KAZN: variants seen among roughly 807,000 people sequenced by gnomAD.
The protein encoded by KAZN is kazrin, periplakin interacting protein.
In KAZN, 40 loss-of-function variants were observed where a neutral mutation model predicts 87.4. The ratio of observed to expected loss-of-function variants is 0.46; its 90% confidence interval spans 0.36 to 0.60. The LOEUF is 0.60. KAZN is among the 20% of genes least tolerant of loss of function. KAZN has a pLI of 0.00. For synonymous variants in KAZN, 466 were observed against 458.3 expected (o/e 1.02, Z -0.22); for missense variants, 898 against 1,073.9 (o/e 0.84, Z 2.29).
Position 14,881,992 on chromosome 1 carries a change from G to A in KAZN, c.227-78692G>A, listed in dbSNP as rs936341739. ...CCACTCTAAGCTGCCTCTGAAGCTG[G>A]TACTCTGTAAATACCTGTTGAGTCC... On this transcript the variant is annotated intron_variant, in intron 1 of 14. Coordinates refer to ENST00000376030, the MANE Select transcript of KAZN (RefSeq NM_201628.3). Among the ~76,000 whole-genome samples, 4 of 152,074 alleles carry A rather than the reference G, an allele frequency of 2.6e-5. No individual in the cohort carries two copies. In the South Asian group the frequency reaches 8.3e-4, roughly 32 times the overall value.
chr1:14,028,147 C>T (rs1641161857), intron 1 of KAZN, among the ~76,000 whole-genome samples: 2 of 152,178 alleles, frequency 1.3e-5, no homozygotes, highest in East Asian at 3.9e-4. Context: ...CACTTAGTAG[C>T]CTCTTTCTTC....
intron 8 of KAZN, among the ~76,000 whole-genome samples, chr1:15,092,074 T>TTTTA: frequency 1.0e-5 from 1 of 97,650 alleles, no homozygotes; most frequent in East Asian, 2.9e-4. Context: ...TTTTTTTTGA[T>TTTTA]TTTTTTTTTT....
intron 1 of KAZN, among the ~76,000 whole-genome samples, chr1:14,118,316 A>G (rs1644674901): frequency 6.6e-6 from 1 of 152,232 alleles, no homozygotes; most frequent in South Asian, 2.1e-4. Flanking sequence ...GGTTTTTAAA[A>G]CAAAATAGAT....
intron 2 of KAZN, among the ~76,000 whole-genome samples, chr1:14,363,054 A>G (rs2100986579): frequency 6.6e-6 from 1 of 152,126 alleles, no homozygotes; most frequent in African/African-American, 2.4e-5. Flanking sequence ...TTAAATATAG[A>G]CCTTCAAGAA....
chr1:14,366,533 G>A (rs867969925), intron 2 of KAZN, among the ~76,000 whole-genome samples: 1 of 152,260 alleles, frequency 6.6e-6, no homozygotes, highest in Non-Finnish European at 1.5e-5. Flanking sequence ...GGCGCCAGCA[G>A]GGGCAGACTC....
intron 1 of KAZN, among the ~76,000 whole-genome samples, chr1:14,771,195 C>G (rs1473385425): frequency 6.6e-6 from 1 of 152,036 alleles, no homozygotes; most frequent in African/African-American, 2.4e-5. Context: ...TTTTAAATGC[C>G]TAATAAAGGG....
rs536402679 is a variant in KAZN, at chr1:14,569,414, C to A, written c.250-29569C>A. The stretch of plus-strand genomic sequence containing the variant: ...CTCGGCTCACTGCAATCTCCGCCTC[C>A]CAGGTTCACGCCATTCTCCTGCCTC... On this transcript the variant is annotated intron_variant, in intron 2 of 16. Coordinates refer to the KAZN transcript ENST00000636203. Among the ~76,000 whole-genome samples the A allele has an allele frequency of 4.1e-5, 6 of 147,496 alleles. No homozygotes were observed. The East Asian group carries it at 1.3e-3, about 31-fold the overall frequency.
At position 14,144,177 on chromosome 1, in the gene KAZN, C is replaced by T. The variant is rs115774593; in HGVS notation, c.92-36258C>T. Among the ~76,000 whole-genome samples, 976 of 152,298 alleles carry T rather than the reference C, an allele frequency of 6.4e-3. 18 individuals carry two copies. The highest frequency in any genetic ancestry group is 0.022 in the African/African-American group (931 of 41,560). ...CCTCCTTCTCCTCAACTCGGATAAG[C>T]AGTTCTCTATCTCTGTTCCTTAACC... is the stretch of plus-strand genomic sequence containing the variant. On this transcript the variant is annotated intron_variant, in intron 1 of 16. Transcript: ENST00000636203.
intron 1 of KAZN, among the ~76,000 whole-genome samples, chr1:14,665,093 C>G (rs1639438962): frequency 6.6e-6 from 1 of 152,160 alleles, no homozygotes; most frequent in African/African-American, 2.4e-5. Context: ...TCCATGTACC[C>G]CTCTTTATTC....
intron 1 of KAZN, among the ~76,000 whole-genome samples, chr1:14,823,298 C>T (rs1017663400): frequency 1.4e-4 from 21 of 151,924 alleles, no homozygotes; most frequent in Non-Finnish European, 2.8e-4. Context: ...GACAAACACG[C>T]GGCTTAGGGG....
chr1:14,667,751 C>G (rs533433686), intron 1 of KAZN, among the ~76,000 whole-genome samples: 46 of 151,760 alleles, frequency 3.0e-4, no homozygotes, highest in Non-Finnish European at 6.3e-4. Context: ...CTGAAGTTGA[C>G]CCGGATAACT....
At chr1:14,649,365 A>G (rs1681051810) in intron 1 of KAZN, among the ~76,000 whole-genome samples, 1 of 152,212 alleles carries the variant, frequency 6.6e-6, no homozygotes. Context: ...CAGAGAGGTT[A>G]AGTGACTTGT....
At chr1:14,134,432 T>C (rs951573383) in intron 1 of KAZN, among the ~76,000 whole-genome samples, 1 of 152,174 alleles carries the variant, frequency 6.6e-6, no homozygotes, top group African/African-American at 2.4e-5. Context: ...TCTTGATGAC[T>C]CTATGAGCCA....
Position 14,859,409 on chromosome 1 carries a change from G to A in KAZN, c.227-101275G>A, listed in dbSNP as rs77220519. Among the ~76,000 whole-genome samples, 59 of 152,200 alleles carry A rather than the reference G, an allele frequency of 3.9e-4. No homozygotes were observed. In the East Asian group the frequency reaches 0.011, roughly 29 times the overall value. ...CACGCAGCAGGAAGTGGCAGAGCTG[G>A]GATTTAAACCTAATTCTCTTTTATC... is the stretch of plus-strand genomic sequence containing the variant. On this transcript the variant is annotated intron_variant, in intron 1 of 14. Coordinates refer to ENST00000376030, the MANE Select transcript of KAZN (RefSeq NM_201628.3).
At chr1:14,313,347 G>C (rs1377103147) in intron 2 of KAZN, among the ~76,000 whole-genome samples, 1 of 152,098 alleles carries the variant, frequency 6.6e-6, no homozygotes, top group Non-Finnish European at 1.5e-5. Flanking sequence ...ACTGGAGCCT[G>C]CCTTCTTTAT....
intron 1 of KAZN, among the ~76,000 whole-genome samples, chr1:14,606,974 A>G (rs1572034700): frequency 6.6e-6 from 1 of 152,166 alleles, no homozygotes; most frequent in East Asian, 1.9e-4. Flanking sequence ...TAGTCTTGGA[A>G]TGACAGCTCT....
At chr1:14,215,876 T>C (rs1646947353) in intron 2 of KAZN, among the ~76,000 whole-genome samples, 1 of 152,210 alleles carries the variant, frequency 6.6e-6, no homozygotes, top group Admixed American at 6.5e-5. Flanking sequence ...AGCTTCTCAT[T>C]AATGTTCATC....
At chr1:14,268,355 T>C (rs1651658587) in intron 2 of KAZN, among the ~76,000 whole-genome samples, 1 of 152,032 alleles carries the variant, frequency 6.6e-6, no homozygotes, top group Admixed American at 6.6e-5. Flanking sequence ...GATGAATAGA[T>C]TGAAGTTAAT....
At chr1:14,827,393 T>G (rs1646923742) in intron 1 of KAZN, among the ~76,000 whole-genome samples, 2 of 152,218 alleles carry the variant, frequency 1.3e-5, no homozygotes, top group Non-Finnish European at 2.9e-5. Flanking sequence ...GTGTAGCCTT[T>G]TATCCCTCAC....
Sources: gnomAD v4.1 joint callset for allele counts (sites outside exome capture counted in the v4.1 genomes callset) on GRCh38, gnomAD v4.1.1 for gene constraint, MANE v1.5 for transcripts, NCBI Gene and HGNC (gene_info 2026-07-23, HGNC 2026-07-21) for gene names.